Variants in KIF24 observed in about 807,000 individuals in gnomAD.
The protein encoded by KIF24 is kinesin family member 24.
A neutral mutation model predicts 118.9 loss-of-function variants in KIF24; 81 were observed. The ratio of observed to expected loss-of-function variants is 0.68; its 90% confidence interval spans 0.57 to 0.82. The LOEUF is 0.82. Ranked by LOEUF, KIF24 falls within the 40% of genes least tolerant of loss-of-function variation. The pLI is 0.00. For missense variants in KIF24, 1,560 were observed against 1,661.6 expected (o/e 0.94, Z 1.06); for synonymous variants, 599 against 610.0 (o/e 0.98, Z 0.27).
chr9:34,256,365 A>G lies in KIF24; in HGVS notation c.3242T>C (p.Val1081Ala), dbSNP rs1158969827. ...AACTGGGCCCCCTGTGCTCTCTGCCACTAGACTGTGCGTAGCCCCATCCTG... is the reference window on the plus strand; with the variant it reads ...AACTGGGCCCCCTGTGCTCTCTGCCGCTAGACTGTGCGTAGCCCCATCCTG... Reference protein sequence around the residue: ...LVQDGATHSLVAESTGGPVVS... With the variant: ...LVQDGATHSLAAESTGGPVVS... Residue 1081 changes from valine to alanine, a missense_variant, in exon 11 of 13, where the codon GTG (valine) becomes GCG (alanine). Transcript: ENST00000402558. 1.9e-6 allele frequency: 3 copies of G among 1,613,846 alleles called. No individual in the cohort carries two copies. Among genetic ancestry groups the G allele is most frequent in the Non-Finnish European group, 2.5e-6 (3 of 1,179,888 alleles).
At chr9:34,275,556 C>T (rs531547212) in intron 6 of KIF24, among the ~76,000 whole-genome samples, 2 of 152,008 alleles carry the variant, frequency 1.3e-5, no homozygotes, top group South Asian at 2.1e-4. Flanking sequence ...AAAAGAATAA[C>T]TGGGCCAGGC....
intron 3 of KIF24, among the ~76,000 whole-genome samples, chr9:34,301,643 C>T (rs1169397524): frequency 2.0e-5 from 3 of 151,888 alleles, no homozygotes; most frequent in East Asian, 1.9e-4. Flanking sequence ...TGAGACCAGC[C>T]GAGGCAACAT....
chr9:34,311,040 G>C lies in KIF24; in HGVS notation c.307C>G (p.Pro103Ala). The C allele has an allele frequency of 6.2e-7, 1 of 1,613,856 alleles. No homozygotes were observed. Among genetic ancestry groups the C allele is most frequent in the South Asian group, 1.1e-5 (1 of 91,060 alleles). ...GPRRQLNFDS[P>A]ADNKDRNASN... ...GCATTTCTGTCTTTATTGTCAGCAGGAGAATCAAAATTCAGCTGTCTGCGA... is the reference window on the plus strand; with the variant it reads ...GCATTTCTGTCTTTATTGTCAGCAGCAGAATCAAAATTCAGCTGTCTGCGA... The change falls in exon 2 of 13, where the codon CCT (proline) becomes GCT (alanine). Residue 103 changes from proline (P) to alanine (A), a missense_variant. Physicochemically the swap from Pro to Ala is conservative, Grantham distance 27. Coordinates refer to ENST00000402558, the MANE Select transcript of KIF24 (RefSeq NM_194313.4).
At chr9:34,313,349 C>G (rs1462676059) in intron 1 of KIF24, among the ~76,000 whole-genome samples, 1 of 151,662 alleles carries the variant, frequency 6.6e-6, no homozygotes. Context: ...ATCTGACTCA[C>G]AGAACTCTGA....
upstream of KIF24, among the ~76,000 whole-genome samples, chr9:34,331,326 G>A (rs891931163): frequency 6.6e-6 from 1 of 152,172 alleles, no homozygotes; most frequent in Non-Finnish European, 1.5e-5. Context: ...CTCTGATAAT[G>A]TCAGACCCTC....
Position 34,257,003 on chromosome 9 carries a change from C to T in KIF24, c.2604G>A (p.Gln868=). The T allele has an allele frequency of 6.2e-7, 1 of 1,614,048 alleles. No homozygotes were observed. The change falls in exon 11 of 13, where the codon CAG becomes CAA. Residue 868 remains glutamine, a synonymous_variant. Transcript: ENST00000402558. ...HQTWGQGPEK[Q]VAERQQSLFS... ...ACAGACTCTGCTGTCTTTCTGCCACCTGCTTCTCAGGACCCTGTCCCCACG... is the reference window on the plus strand; with the variant it reads ...ACAGACTCTGCTGTCTTTCTGCCACTTGCTTCTCAGGACCCTGTCCCCACG...
chr9:34,256,833 G>A lies in KIF24; in HGVS notation c.2774C>T (p.Thr925Ile). 6.2e-7 allele frequency: 1 copy of A among 1,614,016 alleles called. No individual in the cohort carries two copies. The highest frequency in any genetic ancestry group is 1.1e-5 in the South Asian group (1 of 91,082). Residue 925 changes from threonine (T) to isoleucine (I), a missense_variant, in exon 11 of 13, where the codon ACT (threonine) becomes ATT (isoleucine). Thr to Ile is a moderately conservative substitution (Grantham distance 89). This residue lies in a region of KIF24 where 591 missense variants were observed against 655.6 expected (regional missense o/e 0.90). Transcript: ENST00000402558. ...GPVDWSRENS[T>I]SSGPSPRDSL... ...GTCTCTGGGAGAAGGCCCTGAGGAA[G>A]TAGAGTTCTCTCTGCTCCAGTCCAC... is the stretch of plus-strand genomic sequence containing the variant.
chr9:34,268,315 C>T (rs1835369471), intron 8 of KIF24, among the ~76,000 whole-genome samples: 1 of 151,722 alleles, frequency 6.6e-6, no homozygotes, highest in Non-Finnish European at 1.5e-5. Flanking sequence ...AACAGCCTGC[C>T]ACCATGCCCA....
chr9:34,299,982 A>G (rs542879746), intron 3 of KIF24, among the ~76,000 whole-genome samples: 2 of 152,278 alleles, frequency 1.3e-5, no homozygotes, highest in South Asian at 4.1e-4. Flanking sequence ...CCTGCTCTAA[A>G]TATCTAGTCA....
chr9:34,289,081 C>T (rs1319177552), intron 5 of KIF24, among the ~76,000 whole-genome samples: 2 of 152,302 alleles, frequency 1.3e-5, no homozygotes, highest in East Asian at 3.9e-4. Context: ...GTAGCACCCT[C>T]TTTTATTTCG....
chr9:34,283,829 C>T (rs1835941647), intron 6 of KIF24, among the ~76,000 whole-genome samples: 1 of 152,028 alleles, frequency 6.6e-6, no homozygotes, highest in Admixed American at 6.6e-5. Context: ...CAAATTAAAA[C>T]CCCACAATAA....
intron 11 of KIF24, 75 bp from the exon 12 acceptor site, chr9:34,255,240 T>C: frequency 1.1e-6 from 1 of 926,556 alleles, no homozygotes; most frequent in Non-Finnish European, 1.7e-6. Flanking sequence ...GGAGGTGATC[T>C]CATTTGTAAG....
intron 1 of KIF24, among the ~76,000 whole-genome samples, chr9:34,326,458 TG>T (rs1230741713): frequency 6.6e-6 from 1 of 152,206 alleles, no homozygotes; most frequent in African/African-American, 2.4e-5. Context: ...TAGTTTTAGA[TG>T]ATGATAATCA....
At chr9:34,255,425 A>C (rs949952596) in intron 11 of KIF24, among the ~76,000 whole-genome samples, 1 of 151,822 alleles carries the variant, frequency 6.6e-6, no homozygotes, top group Non-Finnish European at 1.5e-5. Flanking sequence ...AGCTGTACTG[A>C]GGGGGCAGGG....
At chr9:34,312,736 T>A (rs1243293769) in intron 1 of KIF24, among the ~76,000 whole-genome samples, 1 of 152,206 alleles carries the variant, frequency 6.6e-6, no homozygotes, top group Non-Finnish European at 1.5e-5. Context: ...TTTCACTCTG[T>A]TGCCCAGGCT....
chr9:34,305,054 C>CTCACAATTTT, intron 3 of KIF24, among the ~76,000 whole-genome samples: 1 of 152,276 alleles, frequency 6.6e-6, no homozygotes, highest in South Asian at 2.1e-4. Flanking sequence ...TTTTAGATTA[C>CTCACAATTTT]TCACAATTTT....
Position 34,252,750 on chromosome 9 carries a change from A to G in KIF24, c.*1630T>C, listed in dbSNP as rs140254882. ...CCTGGCCCAGCTCCGTCTGTGGACC[A>G]AGGACGTAGGCCTTCCTGACTGTGG... On this transcript the variant is annotated 3_prime_UTR_variant, in exon 13 of 13. Transcript: ENST00000402558. 2.0e-5 allele frequency: 3 copies of G among 152,312 alleles called. No individual in the cohort carries two copies. In the East Asian group the frequency reaches 5.8e-4, roughly 29 times the overall value. The allele number at this position is 152,312 out of a possible 1,614,324, so 9.4% of individuals were successfully genotyped here. A position where few individuals can be genotyped will look rare whatever the true frequency, so the allele number is the denominator to read the frequency against.
chr9:34,320,075 C>G (rs150336371), intron 1 of KIF24, among the ~76,000 whole-genome samples: 1 of 152,196 alleles, frequency 6.6e-6, no homozygotes, highest in African/African-American at 2.4e-5. Context: ...CCAGTCTCTC[C>G]CAACTACAAA....
In KIF24 at chr9:34,254,377, G is replaced by A; in HGVS notation, c.*3C>T. The A allele has an allele frequency of 6.2e-7, 1 of 1,611,578 alleles. No individual in the cohort carries two copies. Among genetic ancestry groups the A allele is most frequent in the Non-Finnish European group, 8.5e-7 (1 of 1,179,402 alleles). The stretch of plus-strand genomic sequence containing the variant: ...CCCCACCATCTCGGCACAGGGTCTG[G>A]CTCTAAGACGGCACTGTTCCCTCAG... On this transcript the variant is annotated 3_prime_UTR_variant, in exon 13 of 13. Transcript: ENST00000402558.
Sources: gnomAD v4.1 joint callset for allele counts (sites outside exome capture counted in the v4.1 genomes callset) on GRCh38, gnomAD v4.1.1 for gene constraint, gnomAD v4.1.1 regional missense constraint, MANE v1.5 for transcripts, NCBI Gene and HGNC (gene_info 2026-07-23, HGNC 2026-07-21) for gene names.